The following PROK2 variants were observed in gnomAD, a reference collection of about 807,000 sequenced individuals.
PROK2 encodes the protein prokineticin-2.
PROK2 carries 8 observed loss-of-function variants against 14.2 expected under a neutral mutation model. That is an observed-to-expected ratio of 0.56 (90% CI 0.33 to 1.02). The LOEUF is 1.02. Ranked by LOEUF, PROK2 falls within the 50% of genes least tolerant of loss-of-function variation. The pLI is 0.03. For missense variants in PROK2, 154 were observed against 160.4 expected, an observed-to-expected ratio of 0.96 and a Z score of 0.22; for synonymous variants, 59 against 60.7, an observed-to-expected ratio of 0.97 and a Z score of 0.13.
intron 2 of PROK2, among the ~76,000 whole-genome samples, chr3:71,775,106 G>A (rs75433452): frequency 0.14 from 20,603 of 152,152 alleles, 1,931 homozygotes; most frequent in East Asian, 0.35. Context: ...CAACCCCTAC[G>A]ACAAAGAATT....
At chr3:71,776,707 C>T (rs1298234842) in intron 2 of PROK2, among the ~76,000 whole-genome samples, 4 of 152,094 alleles carry the variant, frequency 2.6e-5, no homozygotes, top group African/African-American at 4.8e-5. Context: ...ATTATACACT[C>T]GGTAGATGCT....
intron 3 of PROK2, 72 bp from the exon 4 acceptor site, chr3:71,772,900 T>C (rs1387485761): frequency 1.1e-5 from 15 of 1,311,512 alleles, no homozygotes; most frequent in Non-Finnish European, 1.5e-5. Flanking sequence ...ATTCTTGAGA[T>C]AGCTCTTTAA....
intron 1 of PROK2, among the ~76,000 whole-genome samples, chr3:71,783,263 T>G (rs532231717): frequency 6.6e-6 from 1 of 152,214 alleles, no homozygotes; most frequent in Non-Finnish European, 1.5e-5. Flanking sequence ...CAATGTATCT[T>G]GATAAGTTAC....
intron 2 of PROK2, among the ~76,000 whole-genome samples, chr3:71,780,120 C>T (rs1287766266): frequency 6.6e-6 from 1 of 152,218 alleles, no homozygotes; most frequent in Non-Finnish European, 1.5e-5. Flanking sequence ...CAAGAAAAAA[C>T]AATGCATGTC....
At position 71,781,473 on chromosome 3, in the gene PROK2, A is replaced by G. The variant is rs1313224907; in HGVS notation, c.216T>C (p.Thr72=). 1.9e-6 allele frequency: 3 copies of G among 1,614,118 alleles called. No individual in the cohort carries two copies. The highest frequency in any genetic ancestry group is 1.1e-5 in the South Asian group (1 of 91,086). ...CAAATATATATATACTAACTTTACG[A>G]GTCAGTGGATGGCAGCTGTCTCCCA... The part of the protein sequence containing the change: ...GKLGDSCHPL[T]RKNNFGNGRQ... The change falls in exon 2 of 4, where the codon ACT becomes ACC. Residue 72 remains threonine (T), a synonymous_variant. Coordinates refer to ENST00000295619, the MANE Select transcript of PROK2 (RefSeq NM_001126128.2).
chr3:71,775,013 A>T (rs550172425), intron 2 of PROK2, among the ~76,000 whole-genome samples: 13 of 152,300 alleles, frequency 8.5e-5, no homozygotes, highest in African/African-American at 2.9e-4. Context: ...CATTTGTCAC[A>T]ACTAAGGGCA....
chr3:71,780,017 G>A (rs749645229), intron 2 of PROK2, among the ~76,000 whole-genome samples: 7 of 152,222 alleles, frequency 4.6e-5, no homozygotes, highest in African/African-American at 7.2e-5. Flanking sequence ...TGAAAATAAC[G>A]AGAGAAATGC....
rs547651564 is a variant in PROK2 at position 71,783,483 on chromosome 3, A to G, written c.96+1474T>C. On this transcript the variant is annotated intron_variant, in intron 1 of 3. Coordinates refer to ENST00000295619, the MANE Select transcript of PROK2 (RefSeq NM_001126128.2). ...CCAATGTGATAAAATTTTATTTTGTAACAAAAGCTTCAGTTCTTGGAAAAT... is the reference window on the plus strand; with the variant it reads ...CCAATGTGATAAAATTTTATTTTGTGACAAAAGCTTCAGTTCTTGGAAAAT... Among the ~76,000 whole-genome samples, 3 of 152,332 alleles carry G rather than the reference A, an allele frequency of 2.0e-5. No individual in the cohort carries two copies. In the South Asian group the frequency reaches 6.2e-4, roughly 32 times the overall value.
At chr3:71,777,504 G>GT (rs1559625636) in intron 2 of PROK2, among the ~76,000 whole-genome samples, 1 of 151,736 alleles carries the variant, frequency 6.6e-6, no homozygotes, top group Non-Finnish European at 1.5e-5. Context: ...TAAATATCAA[G>GT]TTAAAAAAAT....
At chr3:71,776,465 C>T (rs531822468) in intron 2 of PROK2, among the ~76,000 whole-genome samples, 2 of 147,178 alleles carry the variant, frequency 1.4e-5, no homozygotes, top group African/African-American at 5.1e-5. Flanking sequence ...GTAGCCTCAG[C>T]CTCCCAGGTT....
At chr3:71,778,818 G>C (rs931496982) in intron 2 of PROK2, among the ~76,000 whole-genome samples, 1 of 152,048 alleles carries the variant, frequency 6.6e-6, no homozygotes, top group Admixed American at 6.6e-5. Context: ...TCTTAAAATA[G>C]GTCATCAAAA....
At chr3:71,780,087 T>C (rs546459531) in intron 2 of PROK2, among the ~76,000 whole-genome samples, 1 of 152,364 alleles carries the variant, frequency 6.6e-6, no homozygotes, top group South Asian at 2.1e-4. Flanking sequence ...GACACACAAG[T>C]AACGGTTTAA....
intron 3 of PROK2, among the ~76,000 whole-genome samples, chr3:71,773,508 A>T (rs1483277068): frequency 6.6e-6 from 1 of 152,036 alleles, no homozygotes; most frequent in African/African-American, 2.4e-5. Context: ...TTTCTCATTT[A>T]TTTCTTTTTA....
intron 2 of PROK2, among the ~76,000 whole-genome samples, chr3:71,777,079 T>C (rs1559625506): frequency 6.6e-6 from 1 of 152,236 alleles, no homozygotes; most frequent in Non-Finnish European, 1.5e-5. Context: ...TGTATCAACG[T>C]CAATATCCTG....
intron 1 of PROK2, among the ~76,000 whole-genome samples, chr3:71,784,052 T>C (rs2050191125): frequency 6.6e-6 from 1 of 152,224 alleles, no homozygotes; most frequent in Non-Finnish European, 1.5e-5. Flanking sequence ...ATATTTGAAG[T>C]AATTTAATGA....
rs147374991 is a variant in PROK2, at chr3:71,772,166, G to A, written c.*558C>T. On this transcript the variant is annotated 3_prime_UTR_variant, in exon 4 of 4. Transcript: ENST00000295619. ...CACTCTTTTCACTATTTAAATGCCA[G>A]CAAAAAGCTGGATTCCCATCAGTGA... is the stretch of plus-strand genomic sequence containing the variant. 3.4e-4 allele frequency: 55 copies of A among 159,908 alleles called. No homozygotes were observed. In the East Asian group the frequency reaches 9.6e-3, roughly 28 times the overall value. The allele number at this position is 159,908 out of a possible 1,614,324, so 9.9% of individuals were successfully genotyped here.
chr3:71,784,797 G>T (rs745752286), intron 1 of PROK2, among the ~76,000 whole-genome samples, 160 bp downstream of exon 1: 10 of 152,160 alleles, frequency 6.6e-5, no homozygotes, highest in Non-Finnish European at 1.5e-4. Flanking sequence ...TTGGATCTGG[G>T]TATTTTCCCA....
At chr3:71,774,551 G>A (rs768728199) in intron 2 of PROK2, 44 bp from the exon 3 acceptor site, 23 of 1,541,142 alleles carry the variant, frequency 1.5e-5, no homozygotes, top group South Asian at 1.1e-4. Flanking sequence ...AATACAAAGG[G>A]AAGAAAAAGA....
At chr3:71,782,126 T>G (rs1243903301) in intron 1 of PROK2, among the ~76,000 whole-genome samples, 1 of 152,216 alleles carries the variant, frequency 6.6e-6, no homozygotes, top group Non-Finnish European at 1.5e-5. Flanking sequence ...TTCAAATATT[T>G]GCATTTTGGT....
Sources: allele counts gnomAD v4.1 joint callset (sites outside exome capture counted in the v4.1 genomes callset), GRCh38; gene constraint gnomAD v4.1.1; transcripts MANE v1.5; gene names NCBI Gene and HGNC (gene_info 2026-07-23, HGNC 2026-07-21).